LMF1: variants seen among roughly 807,000 people sequenced by gnomAD.
LMF1 encodes lipase maturation factor 1, also known as transmembrane protein 112.
A neutral mutation model predicts 60.6 loss-of-function variants in LMF1; 68 were observed. That is an observed-to-expected ratio of 1.12 (90% confidence interval 0.92 to 1.37). The LOEUF (loss-of-function observed/expected upper bound fraction) is 1.37. Among genes scored for constraint, LMF1 ranks in the 40% most tolerant of loss-of-function variants. The pLI is 0.00. For missense variants in LMF1, 948 were observed against 767.2 expected (o/e 1.24, Z -2.78); for synonymous variants, 418 against 324.7 (o/e 1.29, Z -3.09).
At chr16:916,576 T>TCGCTG (rs1156534633) in intron 3 of LMF1, among the ~76,000 whole-genome samples, 1 of 152,230 alleles carries the variant, frequency 6.6e-6, no homozygotes, top group African/African-American at 2.4e-5. Context: ...AGTTCGGCTC[T>TCGCTG]CGCTGCGCGC....
intron 3 of LMF1, among the ~76,000 whole-genome samples, chr16:923,981 C>T (rs1567247988): frequency 6.6e-6 from 1 of 151,930 alleles, no homozygotes; most frequent in Non-Finnish European, 1.5e-5. Context: ...CGAAGCCAAT[C>T]AAAATAGAAA....
At chr16:875,269 A>C (rs374954888) in intron 6 of LMF1, among the ~76,000 whole-genome samples, 2 of 151,744 alleles carry the variant, frequency 1.3e-5, no homozygotes, top group East Asian at 3.9e-4. Flanking sequence ...CAGGCAGCGG[A>C]CTCCAAAACG....
chr16:854,546 G>T lies in LMF1; in HGVS notation c.1690C>A (p.Pro564Thr). The T allele has an allele frequency of 6.2e-7, 1 of 1,607,892 alleles. No homozygotes were observed. ...PYFRDRGWPL[P>T]GPL ...CTGGTGCACGTCTAGAGGGGCCCGG[G>T]CAGAGGCCACCCACGGTCCCTGAAG... Residue 564 changes from proline (P) to threonine (T), a missense_variant, in exon 11 of 11, where the codon CCC becomes ACC. Pro to Thr is a conservative substitution (Grantham distance 38). Transcript: ENST00000262301.
At chr16:876,618 C>T (rs1397891634) in intron 6 of LMF1, among the ~76,000 whole-genome samples, 2 of 151,922 alleles carry the variant, frequency 1.3e-5, no homozygotes, top group Non-Finnish European at 2.9e-5. Context: ...TAAAATAAGT[C>T]AATTAATAAA....
At position 853,850 on chromosome 16, in the gene LMF1, T is replaced by G. The variant is rs995044787; in HGVS notation, c.*682A>C. The G allele has an allele frequency of 1.1e-5, 5 of 453,924 alleles. No individual in the cohort carries two copies. Among genetic ancestry groups the G allele is most frequent in the African/African-American group, 1.0e-4 (5 of 49,996 alleles). The allele number at this position is 453,924 out of a possible 1,614,324, so 28.1% of individuals were successfully genotyped here. A position where few individuals can be genotyped will look rare whatever the true frequency, so the allele number is the denominator to read the frequency against. On this transcript the variant is annotated 3_prime_UTR_variant, in exon 11 of 11. Coordinates refer to ENST00000262301, the MANE Select transcript of LMF1 (RefSeq NM_022773.4). Reference sequence around the variant, plus strand: ...GTGGAGGGTCTGGGTGTGCGCTGTGTCCATCTGCACCTCACAGACACCAGT... The same window carrying G: ...GTGGAGGGTCTGGGTGTGCGCTGTGGCCATCTGCACCTCACAGACACCAGT...
chr16:965,905 A>C (rs2072913764), intron 1 of LMF1, among the ~76,000 whole-genome samples: 1 of 152,034 alleles, frequency 6.6e-6, no homozygotes, highest in South Asian at 2.1e-4. Flanking sequence ...CTAGAAGACA[A>C]GGGATAGAGG....
chr16:912,825 T>G (rs2071159282), intron 3 of LMF1, among the ~76,000 whole-genome samples: 2 of 152,220 alleles, frequency 1.3e-5, no homozygotes. Flanking sequence ...CTGCGCGGCG[T>G]GCACAAGGGC....
At position 870,015 on chromosome 16, in the gene LMF1, G is replaced by T; in HGVS notation, c.1284C>A (p.Asn428Lys). The change falls in exon 9 of 11, where the codon AAC becomes AAA. Residue 428 changes from asparagine to lysine, a missense_variant. Coordinates refer to ENST00000262301, the MANE Select transcript of LMF1 (RefSeq NM_022773.4). ...CCCACATGGCATCGGGGGCGCTGGCGTTGGAGCTGGCTGTGCCCTGCAGGA... is the reference window on the plus strand; with the variant it reads ...CCCACATGGCATCGGGGGCGCTGGCTTTGGAGCTGGCTGTGCCCTGCAGGA... Reference protein sequence around the residue: ...EVILQGTASSNASAPDAMWED... With the variant: ...EVILQGTASSKASAPDAMWED... 1.2e-6 allele frequency: 2 copies of T among 1,612,748 alleles called. No homozygotes were observed. Among genetic ancestry groups the T allele is most frequent in the African/African-American group, 2.7e-5 (2 of 75,056 alleles).
At chr16:932,310 G>A (rs1415520423) in intron 3 of LMF1, among the ~76,000 whole-genome samples, 4 of 152,190 alleles carry the variant, frequency 2.6e-5, no homozygotes, top group African/African-American at 4.8e-5. Flanking sequence ...CGGCAGCACC[G>A]TGGCCTCGCA....
Position 954,590 on chromosome 16 carries a change from G to A in LMF1, c.270C>T (p.Phe90=), listed in dbSNP as rs1216156103. Residue 90 remains phenylalanine, a synonymous_variant, in exon 2 of 11, where the codon TTC becomes TTT. Transcript: ENST00000262301. The part of the protein sequence containing the change: ...GDRGLLPCRV[F]LKNFQQYFQD... ...GGAAGTACTGCTGGAAGTTCTTCAG[G>A]AACACTCTGCAGGGAAGCAGCCCCC... is the stretch of plus-strand genomic sequence containing the variant. 1 of 1,612,962 alleles carries A rather than the reference G, an allele frequency of 6.2e-7. No homozygotes were observed. Among genetic ancestry groups the A allele is most frequent in the East Asian group, 2.2e-5 (1 of 44,882 alleles).
intron 4 of LMF1, among the ~76,000 whole-genome samples, chr16:898,120 G>A (rs972510319): frequency 2.0e-5 from 3 of 152,234 alleles, no homozygotes; most frequent in African/African-American, 7.2e-5. Flanking sequence ...GGGGACCCAG[G>A]TCCCCCGTGG....
At chr16:883,234 T>TCAGCAGAAGAGCTGCC (rs1482008871) in intron 5 of LMF1, among the ~76,000 whole-genome samples, 70 of 138,046 alleles carry the variant, frequency 5.1e-4, no homozygotes, top group African/African-American at 1.9e-3. Flanking sequence ...GAGGAGCTGC[T>TCAGCAGAAGAGCTGCC]CAGCAGAGCC....
intron 3 of LMF1, among the ~76,000 whole-genome samples, chr16:912,609 C>T (rs1157555997): frequency 6.6e-6 from 1 of 152,230 alleles, no homozygotes. Context: ...TTATGGAGGG[C>T]ACAGGCTGCC....
At chr16:959,712 C>T (rs1220246668) in intron 1 of LMF1, among the ~76,000 whole-genome samples, 1 of 152,188 alleles carries the variant, frequency 6.6e-6, no homozygotes, top group Non-Finnish European at 1.5e-5. Context: ...CAGGGCTTTC[C>T]CCCCCGGGCC....
At chr16:975,982 G>A (rs1596184423), upstream of LMF1, 1 of 453,214 alleles carries the variant, frequency 2.2e-6, no homozygotes, top group South Asian at 1.6e-5. Flanking sequence ...TCCGGGCAAG[G>A]GGCCTCATGA....
chr16:877,002 T>C (rs1338568849), intron 6 of LMF1, among the ~76,000 whole-genome samples: 4 of 152,192 alleles, frequency 2.6e-5, no homozygotes, highest in Non-Finnish European at 5.9e-5. Flanking sequence ...ACCCTAAGCA[T>C]GACCTTGCTC....
rs201672931 is a variant in LMF1 at position 938,725 on chromosome 16, GGA to G, written c.504-4473_504-4472del. On this transcript the variant is annotated intron_variant, in intron 2 of 10. Transcript: ENST00000262301. ...GCATGTGTGGCTCCCACGGACAGAT[GGA>G]TGGATGGACAGACGAAGGGATGGAT... is the stretch of plus-strand genomic sequence containing the variant. Among the ~76,000 whole-genome samples the G allele has an allele frequency of 5.8e-3, 877 of 152,276 alleles. 14 individuals are homozygous for G. The highest frequency in any genetic ancestry group is 0.02 in the African/African-American group (837 of 41,558).
At chr16:952,462 G>A (rs1440925379) in intron 2 of LMF1, 2 of 152,076 alleles carry the variant, frequency 1.3e-5, no homozygotes, top group Non-Finnish European at 2.9e-5. Flanking sequence ...AGAGCATTCA[G>A]GCTCCCGGAA....
At chr16:955,401 C>T (rs1329763279) in intron 1 of LMF1, among the ~76,000 whole-genome samples, 6 of 92,756 alleles carry the variant, frequency 6.5e-5, no homozygotes, top group Non-Finnish European at 8.0e-5. Flanking sequence ...TGTGCATACA[C>T]GCACACACAT....
Sources: allele counts gnomAD v4.1 joint callset (sites outside exome capture counted in the v4.1 genomes callset), GRCh38; gene constraint gnomAD v4.1.1; transcripts MANE v1.5; gene names NCBI Gene and HGNC (gene_info 2026-07-23, HGNC 2026-07-21).